The following EDIL3 variants were observed in gnomAD, a reference collection of about 807,000 sequenced individuals.
EDIL3 encodes the protein EGF like and discoidin domains 3.
Under a neutral mutation model 67.4 loss-of-function variants are expected in EDIL3, and 37 were observed. The ratio of observed to expected loss-of-function variants is 0.55; its 90% confidence interval spans 0.42 to 0.72. EDIL3 has a LOEUF of 0.72. EDIL3 is among the 30% of genes least tolerant of loss of function. The probability of loss-of-function intolerance (pLI) is 0.00; values close to 1 mark genes in which losing one functional copy is unlikely to be tolerated. For synonymous variants in EDIL3, 195 were observed against 196.3 expected (o/e 0.99, Z 0.05); for missense variants, 527 against 586.3 (o/e 0.90, Z 1.04).
Position 84,137,347 on chromosome 5 carries a change from AT to A in EDIL3, c.362del (p.Asn121MetfsTer82). The A allele has an allele frequency of 6.2e-7, 1 of 1,612,038 alleles. No homozygotes were observed. Among genetic ancestry groups the A allele is most frequent in the Non-Finnish European group, 8.5e-7 (1 of 1,179,292 alleles). On this transcript the variant is annotated frameshift_variant, in exon 5 of 11. Transcript: ENST00000296591. LOFTEE classifies it high-confidence loss of function. ...FNGIHCQHNI[N>X]ECEVEPCKNG... is the part of the protein sequence containing the mutation. ...TTTTGCAAGGCTCAACTTCGCATTCATTTATGTCTAAGAAAAACAGAAAGGA... is the reference window on the plus strand; with the variant it reads ...TTTTGCAAGGCTCAACTTCGCATTCATTATGTCTAAGAAAAACAGAAAGGA...
chr5:84,072,441 T>C (rs1424377431), intron 6 of EDIL3, among the ~76,000 whole-genome samples: 2 of 152,030 alleles, frequency 1.3e-5, no homozygotes, highest in Non-Finnish European at 2.9e-5. Context: ...AAAATAAAAA[T>C]GTTGGACTAC....
intron 6 of EDIL3, among the ~76,000 whole-genome samples, chr5:84,070,416 G>A (rs1452835824): frequency 1.3e-5 from 2 of 152,142 alleles, no homozygotes; most frequent in Non-Finnish European, 2.9e-5. Flanking sequence ...CCAATGACCT[G>A]CCCATCTGTC....
At chr5:84,342,148 A>G (rs1015127781) in intron 1 of EDIL3, among the ~76,000 whole-genome samples, 2 of 152,152 alleles carry the variant, frequency 1.3e-5, no homozygotes, top group Non-Finnish European at 2.9e-5. Flanking sequence ...AATAGAGTGT[A>G]TATAGACAAC....
At chr5:84,371,323 A>ATG (rs1747841546) in intron 1 of EDIL3, among the ~76,000 whole-genome samples, 1 of 133,154 alleles carries the variant, frequency 7.5e-6, no homozygotes, top group African/African-American at 3.4e-5. Context: ...TAAAAAGTAT[A>ATG]TATATATATA....
intron 1 of EDIL3, among the ~76,000 whole-genome samples, chr5:84,268,665 C>T (rs530279764): frequency 4.6e-5 from 7 of 152,270 alleles, no homozygotes; most frequent in South Asian, 2.1e-4. Flanking sequence ...TGATGATTCA[C>T]GCACTTTTAT....
At chr5:84,107,199 C>T (rs1747480832) in intron 5 of EDIL3, among the ~76,000 whole-genome samples, 1 of 152,006 alleles carries the variant, frequency 6.6e-6, no homozygotes, top group Non-Finnish European at 1.5e-5. Context: ...AAATTATAAG[C>T]TCTCAACAAA....
chr5:84,174,241 C>T (rs763953719), intron 4 of EDIL3, among the ~76,000 whole-genome samples: 4 of 152,188 alleles, frequency 2.6e-5, no homozygotes, highest in Non-Finnish European at 5.9e-5. Flanking sequence ...ATGGCAAGGG[C>T]AGGCACTTTT....
intron 1 of EDIL3, among the ~76,000 whole-genome samples, chr5:84,312,182 C>CA (rs1160882085): frequency 2.9e-5 from 4 of 139,778 alleles, no homozygotes; most frequent in East Asian, 2.3e-4. Context: ...GCTGGCCGGG[C>CA]GGGGGCTGAC....
chr5:84,299,552 A>G (rs1392460), intron 1 of EDIL3, among the ~76,000 whole-genome samples: 1 of 151,832 alleles, frequency 6.6e-6, no homozygotes, highest in Non-Finnish European at 1.5e-5. Context: ...CTTTTCTCTA[A>G]CTTTTAAATT....
intron 3 of EDIL3, among the ~76,000 whole-genome samples, chr5:84,194,965 A>G (rs1333502405): frequency 6.6e-6 from 1 of 151,994 alleles, no homozygotes; most frequent in African/African-American, 2.4e-5. Flanking sequence ...CTGACACTGT[A>G]TTTAATACTA....
intron 4 of EDIL3, among the ~76,000 whole-genome samples, chr5:84,161,135 T>G (rs1748606419): frequency 6.6e-6 from 1 of 152,086 alleles, no homozygotes. Context: ...AATAATGGTC[T>G]CTAATACCAT....
At chr5:84,091,522 A>T (rs1343399968) in intron 6 of EDIL3, among the ~76,000 whole-genome samples, 1 of 152,246 alleles carries the variant, frequency 6.6e-6, no homozygotes, top group Admixed American at 6.5e-5. Context: ...CAAAAAAGTA[A>T]ACCTTTCAGA....
chr5:84,342,628 C>T (rs897513006), intron 1 of EDIL3, among the ~76,000 whole-genome samples: 16 of 151,932 alleles, frequency 1.1e-4, no homozygotes, highest in East Asian at 3.9e-4. Context: ...AGTATTTAAA[C>T]GTAACAGCCT....
At chr5:84,240,255 G>A (rs1744768940) in intron 2 of EDIL3, among the ~76,000 whole-genome samples, 1 of 152,202 alleles carries the variant, frequency 6.6e-6, no homozygotes, top group Non-Finnish European at 1.5e-5. Flanking sequence ...AGAAAAGCCT[G>A]AGGTAGTACT....
intron 9 of EDIL3, among the ~76,000 whole-genome samples, chr5:84,007,077 T>A (rs1423239436): frequency 2.6e-5 from 4 of 152,014 alleles, no homozygotes; most frequent in African/African-American, 9.7e-5. Flanking sequence ...AAACTGGATA[T>A]CCATATGCAG....
intron 1 of EDIL3, among the ~76,000 whole-genome samples, chr5:84,280,824 G>A (rs1745680712): frequency 6.7e-6 from 1 of 150,158 alleles, no homozygotes; most frequent in South Asian, 2.1e-4. Flanking sequence ...CATGCCCATA[G>A]TCCCATCTAC....
chr5:84,353,114 C>T (rs978604488), intron 1 of EDIL3, among the ~76,000 whole-genome samples: 2 of 152,160 alleles, frequency 1.3e-5, no homozygotes, highest in Non-Finnish European at 2.9e-5. Flanking sequence ...TGAATAGCTG[C>T]TGCACCCAAT....
At chr5:84,279,577 A>G (rs1035632029) in intron 1 of EDIL3, among the ~76,000 whole-genome samples, 1 of 152,206 alleles carries the variant, frequency 6.6e-6, no homozygotes, top group Non-Finnish European at 1.5e-5. Context: ...GCTATTATTT[A>G]CTTTGAATAA....
chr5:84,318,916 A>G lies in EDIL3; in HGVS notation c.68-64704T>C, dbSNP rs547584158. Among the ~76,000 whole-genome samples the G allele has an allele frequency of 5.9e-4, 90 of 152,228 alleles. No individual in the cohort carries two copies. In the South Asian group the frequency reaches 0.011, roughly 19 times the overall value. On this transcript the variant is annotated intron_variant, in intron 1 of 10. Coordinates refer to ENST00000296591, the MANE Select transcript of EDIL3 (RefSeq NM_005711.5). ...TTTTTGTAATCTATCCATCTGACAA[A>G]GGCTAATATCCAGAATCTACAAAGA...
Sources: allele counts gnomAD v4.1 joint callset (sites outside exome capture counted in the v4.1 genomes callset), GRCh38; gene constraint gnomAD v4.1.1; transcripts MANE v1.5; gene names NCBI Gene and HGNC (gene_info 2026-07-23, HGNC 2026-07-21).